SIPA1L1: variants seen among roughly 807,000 people sequenced by gnomAD.
SIPA1L1 encodes the protein signal induced proliferation associated 1 like 1, also known as signal-induced proliferation-associated 1-like protein 1.
In SIPA1L1, 26 loss-of-function variants were observed where a neutral mutation model predicts 162.7. That is an observed-to-expected ratio of 0.16 (90% CI 0.12 to 0.22). The LOEUF (loss-of-function observed/expected upper bound fraction) is 0.22, where lower values mean the gene tolerates loss of function less well. Among genes scored for constraint, SIPA1L1 ranks in the 10% least tolerant of loss-of-function variants. The probability of loss-of-function intolerance (pLI) is 1.00; values close to 1 mark genes in which losing one functional copy is unlikely to be tolerated. For synonymous variants in SIPA1L1, 829 were observed against 837.4 expected, an observed-to-expected ratio of 0.99 and a Z score of 0.17; for missense variants, 1,874 against 2,241.0, an observed-to-expected ratio of 0.84 and a Z score of 3.31.
chr14:71,455,973 T>C (rs574157972), intron 2 of SIPA1L1, among the ~76,000 whole-genome samples: 2 of 152,340 alleles, frequency 1.3e-5, no homozygotes, highest in Non-Finnish European at 2.9e-5. Flanking sequence ...ACTCTTTCAT[T>C]TACTATTGTG....
chr14:71,529,581 A>T (rs1319830127), intron 4 of SIPA1L1, among the ~76,000 whole-genome samples: 2 of 152,242 alleles, frequency 1.3e-5, no homozygotes, highest in Non-Finnish European at 2.9e-5. Context: ...TCGTATTCTG[A>T]TACAGTATTG....
At chr14:71,426,116 A>G (rs528927718) in intron 2 of SIPA1L1, among the ~76,000 whole-genome samples, 1 of 152,274 alleles carries the variant, frequency 6.6e-6, no homozygotes, top group African/African-American at 2.4e-5. Flanking sequence ...GATAGCATAT[A>G]GTTGGATCAT....
chr14:71,441,932 G>C (rs1160804164), intron 2 of SIPA1L1, among the ~76,000 whole-genome samples: 3 of 152,044 alleles, frequency 2.0e-5, no homozygotes, highest in African/African-American at 7.2e-5. Flanking sequence ...AGCACTTTGG[G>C]AGGCCAAGGC....
At chr14:71,506,303 T>G (rs922004561) in intron 2 of SIPA1L1, among the ~76,000 whole-genome samples, 1 of 152,210 alleles carries the variant, frequency 6.6e-6, no homozygotes, top group Non-Finnish European at 1.5e-5. Context: ...TAAGATCCTT[T>G]TCTGGGAGTG....
At chr14:71,628,850 G>A (rs146996827) in intron 7 of SIPA1L1, among the ~76,000 whole-genome samples, 7 of 152,274 alleles carry the variant, frequency 4.6e-5, no homozygotes, top group Admixed American at 6.5e-5. Context: ...AACGAGACTC[G>A]GAAGGACAGA....
chr14:71,499,625 G>A (rs557508012), intron 2 of SIPA1L1, among the ~76,000 whole-genome samples: 2 of 152,152 alleles, frequency 1.3e-5, no homozygotes, highest in South Asian at 4.2e-4. Context: ...TTCAGGATGT[G>A]AAATAGGATA....
chr14:71,727,232 CT>C (rs2084327935), intron 19 of SIPA1L1, among the ~76,000 whole-genome samples: 1 of 152,036 alleles, frequency 6.6e-6, no homozygotes, highest in South Asian at 2.1e-4. Context: ...AAGGAGGTGG[CT>C]TCGTGTGGCT....
intron 4 of SIPA1L1, among the ~76,000 whole-genome samples, chr14:71,550,876 T>C (rs558355700): frequency 3.9e-5 from 6 of 152,052 alleles, no homozygotes; most frequent in Non-Finnish European, 7.4e-5. Context: ...CAAAGCGAGA[T>C]TCTATCTCTA....
intron 2 of SIPA1L1, among the ~76,000 whole-genome samples, chr14:71,447,479 T>C (rs2141409885): frequency 6.6e-6 from 1 of 152,092 alleles, no homozygotes; most frequent in East Asian, 1.9e-4. Flanking sequence ...TGCAAAATTA[T>C]GGGGATGCTA....
At chr14:71,502,443 G>A (rs1362187907) in intron 2 of SIPA1L1, among the ~76,000 whole-genome samples, 1 of 151,072 alleles carries the variant, frequency 6.6e-6, no homozygotes, top group South Asian at 2.1e-4. Context: ...TAGAGACAGG[G>A]TCTCACTATG....
chr14:71,360,881 A>T (rs1305117841), intron 2 of SIPA1L1, among the ~76,000 whole-genome samples: 1 of 152,188 alleles, frequency 6.6e-6, no homozygotes, highest in Non-Finnish European at 1.5e-5. Context: ...AATATTTTAA[A>T]CCTTAAGAAA....
rs377011844 is a variant in SIPA1L1, at chr14:71,495,837, G to A, written c.-464-16906G>A. Among the ~76,000 whole-genome samples, 15 of 140,614 alleles carry A rather than the reference G, an allele frequency of 1.1e-4. No homozygotes were observed. The South Asian group carries it at 3.3e-3, about 31-fold the overall frequency. 92.2% of individuals were successfully genotyped at this position (140,614 alleles called of 152,430 possible). Reference sequence around the variant, plus strand: ...GGCCAAGGTGGGAGGATCATTTGAGGCCAGGAGTTCGAGACCAGCCTGGGT... The same window carrying A: ...GGCCAAGGTGGGAGGATCATTTGAGACCAGGAGTTCGAGACCAGCCTGGGT... On this transcript the variant is annotated intron_variant, in intron 2 of 23. Transcript: ENST00000381232.
rs574116911 is a variant in SIPA1L1 at position 71,506,404 on chromosome 14, G to C, written c.-464-6339G>C. On this transcript the variant is annotated intron_variant, in intron 2 of 23. Transcript: ENST00000381232. ...TGCCTAGGATGGAGTGCAGTGGCGT[G>C]ATCTCGGCTCACTGTGACCTCTGCC... Among the ~76,000 whole-genome samples, 27 of 152,236 alleles carry C rather than the reference G, an allele frequency of 1.8e-4. No individual in the cohort carries two copies. The South Asian group carries it at 5.4e-3, about 30-fold the overall frequency.
At chr14:71,605,807 C>A (rs1329865997) in intron 5 of SIPA1L1, among the ~76,000 whole-genome samples, 1 of 152,124 alleles carries the variant, frequency 6.6e-6, no homozygotes, top group East Asian at 1.9e-4. Flanking sequence ...GCAGCAAACA[C>A]CAGCACTTGT....
At chr14:71,695,448 G>A (rs2081552185) in intron 13 of SIPA1L1, among the ~76,000 whole-genome samples, 1 of 152,220 alleles carries the variant, frequency 6.6e-6, no homozygotes, top group Admixed American at 6.5e-5. Flanking sequence ...TAAGAAAGCT[G>A]AGGTTGAGAA....
chr14:71,719,250 T>TTCC (rs2083502624), intron 17 of SIPA1L1, among the ~76,000 whole-genome samples: 1 of 152,178 alleles, frequency 6.6e-6, no homozygotes. Context: ...ATATTAAGAA[T>TTCC]TCCTGTACAT....
At chr14:71,549,075 A>C (rs2055533704) in intron 4 of SIPA1L1, among the ~76,000 whole-genome samples, 1 of 152,176 alleles carries the variant, frequency 6.6e-6, no homozygotes, top group Non-Finnish European at 1.5e-5. Context: ...CACTTTTATT[A>C]AACTTAATAA....
At chr14:71,383,423 G>T (rs917293489) in intron 2 of SIPA1L1, among the ~76,000 whole-genome samples, 26 of 152,178 alleles carry the variant, frequency 1.7e-4, no homozygotes, top group African/African-American at 6.0e-4. Flanking sequence ...AAATGGTTCT[G>T]TGTGAAGGTT....
intron 2 of SIPA1L1, among the ~76,000 whole-genome samples, chr14:71,496,076 A>G (rs1417227439): frequency 6.6e-6 from 1 of 151,306 alleles, no homozygotes; most frequent in Non-Finnish European, 1.5e-5. Flanking sequence ...AAAAAAGAAA[A>G]AAAAAAAAAA....
Sources: allele counts gnomAD v4.1 joint callset (sites outside exome capture counted in the v4.1 genomes callset), GRCh38; gene constraint gnomAD v4.1.1; transcripts MANE v1.5; gene names NCBI Gene and HGNC (gene_info 2026-07-23, HGNC 2026-07-21).